Variants in WWOX observed in about 807,000 individuals in gnomAD.
WWOX encodes the protein WW domain containing oxidoreductase.
A neutral mutation model predicts 46.2 loss-of-function variants in WWOX; 69 were observed. The ratio of observed to expected loss-of-function variants is 1.49; its 90% CI spans 1.23 to 1.82. The LOEUF (loss-of-function observed/expected upper bound fraction) is 1.82, where lower values mean the gene tolerates loss of function less well. WWOX is among the 40% of genes most tolerant of loss of function. The pLI is 0.00. For missense variants in WWOX, 919 were observed against 542.6 expected, an observed-to-expected ratio of 1.69 and a Z score of -6.89; for synonymous variants, 359 against 202.6, an observed-to-expected ratio of 1.77 and a Z score of -6.56.
intron 8 of WWOX, among the ~76,000 whole-genome samples, chr16:78,776,836 A>G (rs2050202258): frequency 6.6e-6 from 1 of 152,056 alleles, no homozygotes; most frequent in South Asian, 2.1e-4. Flanking sequence ...AAACCATCAG[A>G]TCGCGTAAGA....
intron 8 of WWOX, among the ~76,000 whole-genome samples, chr16:78,667,074 C>T (rs543718914): frequency 2.0e-5 from 3 of 152,274 alleles, no homozygotes; most frequent in African/African-American, 7.2e-5. Flanking sequence ...TTTTGAGTAT[C>T]GGATCTTTGT....
chr16:78,774,533 C>CGT (rs1440248411), intron 8 of WWOX, among the ~76,000 whole-genome samples: 4 of 119,462 alleles, frequency 3.3e-5, no homozygotes, highest in African/African-American at 6.9e-5. Context: ...TGTGTGTGTG[C>CGT]GCGTGCGCAC....
intron 8 of WWOX, among the ~76,000 whole-genome samples, chr16:78,740,414 C>T (rs1328182508): frequency 6.6e-6 from 1 of 152,150 alleles, no homozygotes; most frequent in South Asian, 2.1e-4. Flanking sequence ...TTGGCAGCGT[C>T]CTTTGGCTTG....
At chr16:78,726,071 T>TTCCCTCCCTCCCTCCTCCTCCCTCCC (rs1555524196) in intron 8 of WWOX, among the ~76,000 whole-genome samples, 6 of 96,632 alleles carry the variant, frequency 6.2e-5, no homozygotes, top group Admixed American at 1.1e-4. Context: ...CCTGCTTCCC[T>TTCCCTCCCTCCCTCCTCCTCCCTCCC]TCCCTCCCTC....
At chr16:78,783,230 T>G (rs565907842) in intron 8 of WWOX, among the ~76,000 whole-genome samples, 1 of 152,344 alleles carries the variant, frequency 6.6e-6, no homozygotes, top group Non-Finnish European at 1.5e-5. Context: ...TTAACTGTTC[T>G]CTTAGTCATC....
In WWOX at chr16:78,422,663, G is replaced by GTGTATATATATATA. The variant is rs1438850450; in HGVS notation, c.606-2206_606-2205insGTATATATATATAT. On this transcript the variant is annotated intron_variant, in intron 6 of 8. Transcript: ENST00000566780. ...GCCCAGCCTCCTGTTTTTTTTACAT[G>GTGTATATATATATA]TATATATATATATATATATATACAC... 2.5e-4 allele frequency among the ~76,000 whole-genome samples: 6 copies of GTGTATATATATATA among 24,382 alleles called. 1 individual carries two copies. Among genetic ancestry groups the GTGTATATATATATA allele is most frequent in the Non-Finnish European group, 4.3e-4 (4 of 9,242 alleles). The allele number at this position is 24,382 out of a possible 152,430, so 16.0% of individuals were successfully genotyped here.
At chr16:78,390,085 G>C (rs906496317) in intron 6 of WWOX, among the ~76,000 whole-genome samples, 2 of 152,188 alleles carry the variant, frequency 1.3e-5, no homozygotes, top group Non-Finnish European at 2.9e-5. Context: ...CTCAGAGAAT[G>C]TGAGTGACTT....
chr16:79,095,923 C>T (rs1347566221), intron 8 of WWOX, among the ~76,000 whole-genome samples: 2 of 145,718 alleles, frequency 1.4e-5, no homozygotes, highest in Middle Eastern at 3.5e-3. Flanking sequence ...TGATCTAGCT[C>T]ACTGCAACCT....
At chr16:78,984,000 C>T (rs112152033) in intron 8 of WWOX, among the ~76,000 whole-genome samples, 11 of 151,344 alleles carry the variant, frequency 7.3e-5, no homozygotes, top group African/African-American at 2.7e-4. Context: ...GCCTCAGCCT[C>T]CCGAGTAGCT....
At chr16:78,364,152 G>A (rs1438162528) in intron 5 of WWOX, among the ~76,000 whole-genome samples, 2 of 152,020 alleles carry the variant, frequency 1.3e-5, no homozygotes, top group Non-Finnish European at 2.9e-5. Flanking sequence ...CCTTTCCAGC[G>A]ACCCTGTTTG....
chr16:79,014,524 G>A (rs1295909163), intron 8 of WWOX, among the ~76,000 whole-genome samples: 1 of 152,178 alleles, frequency 6.6e-6, no homozygotes, highest in African/African-American at 2.4e-5. Context: ...ATCCTTCTAA[G>A]ATTTTTCAAT....
In WWOX at chr16:78,174,858, T is replaced by G. The variant is rs145758697; in HGVS notation, c.516+10569T>G. Among the ~76,000 whole-genome samples, 229 of 152,114 alleles carry G rather than the reference T, an allele frequency of 1.5e-3. 1 individual carries two copies. The highest frequency in any genetic ancestry group is 1.3e-3 in the Non-Finnish European group (87 of 68,000). On this transcript the variant is annotated intron_variant, in intron 5 of 8. Transcript: ENST00000566780. ...CAAAAATTAGCTGGGTGTGGCGGCA[T>G]GCGCCTTTAGTCCCAGCTACTGGGG...
At chr16:78,701,358 T>G (rs997483945) in intron 8 of WWOX, among the ~76,000 whole-genome samples, 1 of 152,152 alleles carries the variant, frequency 6.6e-6, no homozygotes, top group African/African-American at 2.4e-5. Context: ...GTTTCAGGCT[T>G]GAGTCACTGT....
chr16:79,192,888 G>A (rs753652337), intron 8 of WWOX, among the ~76,000 whole-genome samples: 3 of 152,188 alleles, frequency 2.0e-5, no homozygotes, highest in Non-Finnish European at 2.9e-5. Context: ...AGGGCCGCAG[G>A]ACTGAGGTTA....
chr16:79,163,884 GAA>G (rs10671742), intron 8 of WWOX, among the ~76,000 whole-genome samples: 5 of 136,420 alleles, frequency 3.7e-5, no homozygotes, highest in African/African-American at 8.3e-5. Flanking sequence ...AAGAGAATTG[GAA>G]AAAAAAAAAA....
At chr16:78,362,837 G>A (rs4598920) in intron 5 of WWOX, among the ~76,000 whole-genome samples, 128,481 of 152,182 alleles carry the variant, frequency 0.84, 55,013 homozygotes, top group Non-Finnish European at 0.9. Context: ...GGAGATACTA[G>A]TATTTTGCTT....
At chr16:79,142,327 C>G (rs1342272982) in intron 8 of WWOX, among the ~76,000 whole-genome samples, 2 of 152,092 alleles carry the variant, frequency 1.3e-5, no homozygotes, top group African/African-American at 4.8e-5. Flanking sequence ...AGAAATGGCT[C>G]AATTTTGTGC....
intron 8 of WWOX, among the ~76,000 whole-genome samples, chr16:79,015,660 C>T (rs533353128): frequency 2.0e-5 from 3 of 152,292 alleles, no homozygotes; most frequent in South Asian, 2.1e-4. Flanking sequence ...TGTCCCTAGT[C>T]CCTGTCTCCG....
chr16:78,461,784 T>TA lies in WWOX; in HGVS notation c.1056+29033dup, dbSNP rs1448270283. On this transcript the variant is annotated intron_variant, in intron 8 of 8. Transcript: ENST00000566780. ...CCCTTTTCCCGTCATGCTTTAGAAT[T>TA]ATGGGCTGGAGCAGTTTTTAATACT... Among the ~76,000 whole-genome samples, 7 of 152,358 alleles carry TA rather than the reference T, an allele frequency of 4.6e-5. No homozygotes were observed. The East Asian group carries it at 1.3e-3, about 29-fold the overall frequency.
Sources: allele counts gnomAD v4.1 joint callset (sites outside exome capture counted in the v4.1 genomes callset), GRCh38; gene constraint gnomAD v4.1.1; transcripts MANE v1.5; gene names NCBI Gene and HGNC (gene_info 2026-07-23, HGNC 2026-07-21).